Variants in MTHFD2L observed in about 807,000 individuals in gnomAD.
MTHFD2L encodes the protein methylenetetrahydrofolate dehydrogenase (NADP+ dependent) 2 like.
MTHFD2L carries 29 observed loss-of-function variants against 34.9 expected under a neutral mutation model. That is an observed-to-expected ratio of 0.83 (90% confidence interval 0.62 to 1.13). MTHFD2L has a LOEUF of 1.13. Among genes scored for constraint, MTHFD2L ranks in the 50% most tolerant of loss-of-function variants. The pLI, the probability that MTHFD2L is intolerant of heterozygous loss-of-function variation, is 0.00. For synonymous variants in MTHFD2L, 167 were observed against 155.7 expected (o/e 1.07, Z -0.54); for missense variants, 481 against 446.5 (o/e 1.08, Z -0.70).
chr4:74,148,385 TTATTTATCTATC>T (rs770003578), intron 1 of MTHFD2L, among the ~76,000 whole-genome samples: 17,160 of 74,780 alleles, frequency 0.23, 1,081 homozygotes, highest in Admixed American at 0.28. Flanking sequence ...ATTTATTTAT[TTATTTATCTATC>T]TATCTATTTA....
At chr4:74,293,158 C>T (rs1749176879) in intron 7 of MTHFD2L, among the ~76,000 whole-genome samples, 1 of 152,066 alleles carries the variant, frequency 6.6e-6, no homozygotes, top group South Asian at 2.1e-4. Context: ...AACCCATTGT[C>T]TACATTAAGT....
At chr4:74,256,084 T>C (rs1006624777) in intron 6 of MTHFD2L, among the ~76,000 whole-genome samples, 6 of 152,236 alleles carry the variant, frequency 3.9e-5, no homozygotes, top group Admixed American at 1.3e-4. Flanking sequence ...CCAAGCTGCT[T>C]TCCACAGTGG....
intron 3 of MTHFD2L, among the ~76,000 whole-genome samples, chr4:74,186,081 C>T (rs756924187): frequency 4.6e-5 from 7 of 152,014 alleles, no homozygotes; most frequent in African/African-American, 7.2e-5. Flanking sequence ...AACATTAGAA[C>T]AGTAAACAAT....
intron 7 of MTHFD2L, among the ~76,000 whole-genome samples, chr4:74,294,786 C>G (rs568307500): frequency 6.6e-6 from 1 of 152,022 alleles, no homozygotes; most frequent in Non-Finnish European, 1.5e-5. Context: ...GTAAATGATG[C>G]CAAGCCAAGT....
rs140148526 is a variant in MTHFD2L, at chr4:74,299,780, C to A, written c.932-1917C>A. ...AAAAACAACCACCACAATGACTTGG[C>A]TTCTGCCTTCTAGATGCTGATGTCT... On this transcript the variant is annotated intron_variant, in intron 7 of 7. Coordinates refer to ENST00000325278, the MANE Select transcript of MTHFD2L (RefSeq NM_001144978.3). 2.4e-3 allele frequency among the ~76,000 whole-genome samples: 367 copies of A among 152,112 alleles called. 4 individuals carry two copies. The highest frequency in any genetic ancestry group is 8.1e-3 in the African/African-American group (337 of 41,540).
intron 6 of MTHFD2L, among the ~76,000 whole-genome samples, chr4:74,233,109 T>C (rs1239546879): frequency 6.6e-6 from 1 of 152,188 alleles, no homozygotes; most frequent in Non-Finnish European, 1.5e-5. Flanking sequence ...GTGTTTAATA[T>C]TAAAGCATAT....
At chr4:74,165,825 G>C (rs1261761353) in intron 1 of MTHFD2L, among the ~76,000 whole-genome samples, 1 of 152,172 alleles carries the variant, frequency 6.6e-6, no homozygotes, top group Admixed American at 6.5e-5. Context: ...TTTGCACATT[G>C]AAATGGGAAG....
intron 6 of MTHFD2L, among the ~76,000 whole-genome samples, chr4:74,261,031 T>C (rs760960927): frequency 1.3e-4 from 19 of 151,650 alleles, no homozygotes; most frequent in Non-Finnish European, 2.5e-4. Context: ...TATATATATA[T>C]ACTCTGTTGT....
At chr4:74,212,651 C>T (rs903068836) in intron 5 of MTHFD2L, among the ~76,000 whole-genome samples, 9 of 151,926 alleles carry the variant, frequency 5.9e-5, no homozygotes, top group South Asian at 2.1e-4. Flanking sequence ...GATGTGGTGT[C>T]GAGAAGAATG....
At chr4:74,158,780 A>G (rs1465824031) in intron 1 of MTHFD2L, among the ~76,000 whole-genome samples, 1 of 152,166 alleles carries the variant, frequency 6.6e-6, no homozygotes, top group Admixed American at 6.5e-5. Flanking sequence ...CAGATTTCTC[A>G]GTCTTTTCAT....
intron 7 of MTHFD2L, among the ~76,000 whole-genome samples, chr4:74,294,941 A>G (rs576036377): frequency 6.6e-6 from 1 of 152,252 alleles, no homozygotes; most frequent in African/African-American, 2.4e-5. Context: ...ACTGGGATGC[A>G]ATAGCCTGAA....
At chr4:74,284,738 G>A (rs1210646470) in intron 7 of MTHFD2L, among the ~76,000 whole-genome samples, 2 of 151,962 alleles carry the variant, frequency 1.3e-5, no homozygotes, top group South Asian at 2.1e-4. Flanking sequence ...ACTTTTACAC[G>A]GTGGGACTGT....
intron 2 of MTHFD2L, among the ~76,000 whole-genome samples, chr4:74,116,000 T>G (rs1481944837): frequency 2.0e-5 from 3 of 152,206 alleles, no homozygotes; most frequent in Non-Finnish European, 4.4e-5. Flanking sequence ...TTGTTGAGTA[T>G]ATTCCTGAAG....
chr4:74,144,826 A>G (rs1335092204), intron 1 of MTHFD2L, among the ~76,000 whole-genome samples: 1 of 152,176 alleles, frequency 6.6e-6, no homozygotes, highest in African/African-American at 2.4e-5. Context: ...TGAATCTGCA[A>G]GCACAGTAGC....
chr4:74,247,994 TA>T (rs1742736004), intron 6 of MTHFD2L, among the ~76,000 whole-genome samples: 1 of 152,182 alleles, frequency 6.6e-6, no homozygotes, highest in Non-Finnish European at 1.5e-5. Context: ...GCTGGCCTCA[TA>T]AAATGAGTTA....
At chr4:74,299,015 C>T (rs902901660) in intron 7 of MTHFD2L, among the ~76,000 whole-genome samples, 7 of 151,970 alleles carry the variant, frequency 4.6e-5, no homozygotes, top group African/African-American at 1.7e-4. Context: ...CAGCATAATT[C>T]TTGGCAAGTA....
intron 5 of MTHFD2L, among the ~76,000 whole-genome samples, chr4:74,222,397 G>A (rs1445803649): frequency 1.3e-5 from 2 of 152,098 alleles, no homozygotes; most frequent in Non-Finnish European, 2.9e-5. Context: ...AGAATGGAAA[G>A]AGAGGGCAAG....
At chr4:74,279,994 G>A (rs534219197) in intron 6 of MTHFD2L, among the ~76,000 whole-genome samples, 43 of 152,160 alleles carry the variant, frequency 2.8e-4, no homozygotes, top group Admixed American at 8.5e-4. Context: ...TAAGCCACCC[G>A]TAATGCTTAA....
chr4:74,231,064 A>T (rs551633067), intron 6 of MTHFD2L, among the ~76,000 whole-genome samples: 29 of 152,328 alleles, frequency 1.9e-4, no homozygotes, highest in Admixed American at 1.4e-3. Flanking sequence ...AGCATGACGA[A>T]TGAACCTTCA....
Sources: gnomAD v4.1 joint callset for allele counts (sites outside exome capture counted in the v4.1 genomes callset) on GRCh38, gnomAD v4.1.1 for gene constraint, MANE v1.5 for transcripts, NCBI Gene and HGNC (gene_info 2026-07-23, HGNC 2026-07-21) for gene names.